GRIN2B: variants seen among roughly 807,000 people sequenced by gnomAD.
The protein encoded by GRIN2B is glutamate receptor ionotropic, NMDA 2B.
GRIN2B carries 5 observed loss-of-function variants against 114.5 expected under a neutral mutation model. The ratio of observed to expected loss-of-function variants is 0.04; its 90% CI spans 0.02 to 0.09. The LOEUF (loss-of-function observed/expected upper bound fraction) is 0.09. GRIN2B is among the 10% of genes least tolerant of loss of function. GRIN2B has a pLI of 1.00. For missense variants in GRIN2B, 1,108 were observed against 1,943.5 expected (o/e 0.57, Z 8.08); for synonymous variants, 787 against 745.1 (o/e 1.06, Z -0.92).
chr12:13,596,235 G>A (rs1380169151), intron 10 of GRIN2B, among the ~76,000 whole-genome samples: 1 of 152,152 alleles, frequency 6.6e-6, no homozygotes, highest in African/African-American at 2.4e-5. Flanking sequence ...TCCAAAAAAG[G>A]TGGAGTCCCA....
intron 2 of GRIN2B, among the ~76,000 whole-genome samples, chr12:13,926,810 G>A (rs1156376242): frequency 3.9e-5 from 6 of 152,024 alleles, no homozygotes; most frequent in South Asian, 4.2e-4. Flanking sequence ...AAAATTAGCC[G>A]GGTATGGTGG....
At chr12:13,583,134 T>A (rs1948874459) in intron 10 of GRIN2B, among the ~76,000 whole-genome samples, 2 of 152,088 alleles carry the variant, frequency 1.3e-5, no homozygotes. Flanking sequence ...AAATATCACA[T>A]CAGTAGCACA....
intron 2 of GRIN2B, among the ~76,000 whole-genome samples, chr12:13,943,055 A>G (rs1240714008): frequency 2.0e-5 from 3 of 152,076 alleles, no homozygotes; most frequent in Non-Finnish European, 4.4e-5. Context: ...GGGATGCCAC[A>G]GGGAATTAGG....
At chr12:13,612,583 C>T (rs1805484) in intron 8 of GRIN2B, among the ~76,000 whole-genome samples, 41,369 of 152,150 alleles carry the variant, frequency 0.27, 6,201 homozygotes, top group Middle Eastern at 0.44. Flanking sequence ...ATCTATCCCC[C>T]ATTATGAAGT....
At chr12:13,961,884 G>A (rs559191800) in intron 2 of GRIN2B, among the ~76,000 whole-genome samples, 9 of 152,098 alleles carry the variant, frequency 5.9e-5, no homozygotes, top group Non-Finnish European at 7.4e-5. Context: ...ACAAAGGAAC[G>A]GGTGTGAGAG....
intron 4 of GRIN2B, among the ~76,000 whole-genome samples, chr12:13,719,260 T>A (rs73298364): frequency 0.023 from 3,434 of 152,184 alleles, 135 homozygotes; most frequent in African/African-American, 0.078. Context: ...TAAATATATG[T>A]ACAGTGCATT....
At chr12:13,678,688 C>T (rs1373489942) in intron 4 of GRIN2B, among the ~76,000 whole-genome samples, 1 of 152,038 alleles carries the variant, frequency 6.6e-6, no homozygotes, top group Non-Finnish European at 1.5e-5. Context: ...GAGCGGCTCA[C>T]CCAAGCCCAT....
At chr12:13,653,344 G>A (rs758301742) in intron 5 of GRIN2B, among the ~76,000 whole-genome samples, 5 of 152,130 alleles carry the variant, frequency 3.3e-5, no homozygotes, top group African/African-American at 1.2e-4. Flanking sequence ...TTAAAAGAAG[G>A]GGGTTGGTCA....
intron 4 of GRIN2B, among the ~76,000 whole-genome samples, chr12:13,718,224 T>G (rs1182475217): frequency 2.6e-5 from 4 of 152,044 alleles, no homozygotes; most frequent in Admixed American, 6.6e-5. Flanking sequence ...CAGAAGAACA[T>G]GTGAGTTTCA....
intron 3 of GRIN2B, among the ~76,000 whole-genome samples, chr12:13,816,785 AAAG>A (rs1366634868): frequency 1.3e-5 from 2 of 152,226 alleles, no homozygotes; most frequent in African/African-American, 2.4e-5. Context: ...AATTTCCTTC[AAAG>A]ATGATTTTAA....
chr12:13,690,009 C>T (rs964116318), intron 4 of GRIN2B, among the ~76,000 whole-genome samples: 3 of 152,186 alleles, frequency 2.0e-5, no homozygotes, highest in African/African-American at 7.2e-5. Flanking sequence ...TTCAACATTT[C>T]ATTTATTGTT....
chr12:13,671,852 G>A (rs530266007), intron 5 of GRIN2B, among the ~76,000 whole-genome samples: 3 of 152,070 alleles, frequency 2.0e-5, no homozygotes, highest in Non-Finnish European at 4.4e-5. Flanking sequence ...CAAGGTCCTT[G>A]CCCCCAGGAA....
At chr12:13,771,075 A>G (rs986855780) in intron 3 of GRIN2B, among the ~76,000 whole-genome samples, 4 of 152,098 alleles carry the variant, frequency 2.6e-5, no homozygotes, top group Middle Eastern at 3.2e-3. Context: ...CATAGGAGGG[A>G]CCCAGTGGGA....
chr12:13,681,383 C>T (rs1950130348), intron 4 of GRIN2B, among the ~76,000 whole-genome samples: 1 of 152,108 alleles, frequency 6.6e-6, no homozygotes, highest in African/African-American at 2.4e-5. Context: ...CCATGTGCCA[C>T]CATGCTTTTA....
At chr12:13,670,857 C>A (rs11055579) in intron 5 of GRIN2B, among the ~76,000 whole-genome samples, 3,330 of 152,278 alleles carry the variant, frequency 0.022, 60 homozygotes, top group Non-Finnish European at 0.03. Flanking sequence ...ATCCAGAGAT[C>A]TCTTTGCTAT....
At chr12:13,765,787 C>T (rs1191429736) in intron 3 of GRIN2B, among the ~76,000 whole-genome samples, 2 of 152,192 alleles carry the variant, frequency 1.3e-5, no homozygotes, top group African/African-American at 2.4e-5. Context: ...CATGAAGGGT[C>T]TTGCCCAGGG....
intron 5 of GRIN2B, among the ~76,000 whole-genome samples, chr12:13,621,386 G>A (rs1213895742): frequency 2.0e-5 from 3 of 152,010 alleles, no homozygotes; most frequent in Admixed American, 2.0e-4. Flanking sequence ...TTATGCTTGA[G>A]ATTAAAATAT....
chr12:13,951,733 CTG>C (rs1404255028), intron 2 of GRIN2B, among the ~76,000 whole-genome samples: 1 of 152,208 alleles, frequency 6.6e-6, no homozygotes, highest in African/African-American at 2.4e-5. Context: ...TCTCTCTAGA[CTG>C]TGAGCTTCTC....
At chr12:13,861,094 T>A (rs1011209146) in intron 3 of GRIN2B, among the ~76,000 whole-genome samples, 1 of 152,184 alleles carries the variant, frequency 6.6e-6, no homozygotes, top group African/African-American at 2.4e-5. Context: ...AATTTATATC[T>A]CATAAACTAT....
Sources: gnomAD v4.1 joint callset for allele counts (sites outside exome capture counted in the v4.1 genomes callset) on GRCh38, gnomAD v4.1.1 for gene constraint, MANE v1.5 for transcripts, NCBI Gene and HGNC (gene_info 2026-07-23, HGNC 2026-07-21) for gene names.